EXOC4: variants seen among roughly 807,000 people sequenced by gnomAD.
EXOC4 encodes exocyst complex component 4, also known as SEC8-like 1.
Under a neutral mutation model 107.2 loss-of-function variants are expected in EXOC4, and 71 were observed. The observed-to-expected ratio is 0.66, with a 90% confidence interval of 0.55 to 0.81. The LOEUF is 0.81. EXOC4 is among the 30% of genes least tolerant of loss of function. EXOC4 has a pLI of 0.00. For missense variants in EXOC4, 1,108 were observed against 1,189.6 expected, an observed-to-expected ratio of 0.93 and a Z score of 1.01; for synonymous variants, 456 against 441.2, an observed-to-expected ratio of 1.03 and a Z score of -0.42.
rs963305486 is a variant in EXOC4, at chr7:133,479,972, A to G, written c.1329-78A>G. ...GGGAGCACCACACAGACCAGAGTAGAATAATGTGGAATACAGAGCTGGTCA... is the reference window on the plus strand; with the variant it reads ...GGGAGCACCACACAGACCAGAGTAGGATAATGTGGAATACAGAGCTGGTCA... On this transcript the variant is annotated intron_variant, in intron 8 of 17. Coordinates refer to ENST00000253861, the MANE Select transcript of EXOC4 (RefSeq NM_021807.4). 2.6e-6 allele frequency: 3 copies of G among 1,157,942 alleles called. No individual in the cohort carries two copies. The African/African-American group carries it at 4.5e-5, about 18-fold the overall frequency. 71.7% of individuals were successfully genotyped at this position (1,157,942 alleles called of 1,614,324 possible). A position where few individuals can be genotyped will look rare whatever the true frequency, so the allele number is the denominator to read the frequency against.
chr7:133,658,384 C>A (rs1453963013), intron 10 of EXOC4, among the ~76,000 whole-genome samples: 1 of 152,140 alleles, frequency 6.6e-6, no homozygotes, highest in Non-Finnish European at 1.5e-5. Context: ...AGGTTAAAAT[C>A]TACTTATCTA....
intron 3 of EXOC4, among the ~76,000 whole-genome samples, chr7:133,291,910 T>C (rs1377314027): frequency 6.6e-6 from 1 of 151,020 alleles, no homozygotes; most frequent in Non-Finnish European, 1.5e-5. Context: ...TTATCACATA[T>C]GCATGGATCT....
intron 10 of EXOC4, among the ~76,000 whole-genome samples, chr7:133,639,017 A>G (rs957574131): frequency 1.4e-4 from 22 of 152,190 alleles, no homozygotes; most frequent in African/African-American, 4.6e-4. Context: ...GGACTGCAGT[A>G]CCCAAAATGT....
intron 17 of EXOC4, among the ~76,000 whole-genome samples, chr7:134,051,496 C>A (rs1220724767): frequency 6.6e-6 from 1 of 151,892 alleles, no homozygotes; most frequent in Non-Finnish European, 1.5e-5. Context: ...GATGGTGAAA[C>A]CCTGTCTCTA....
chr7:134,045,220 T>A (rs548100060), intron 17 of EXOC4, among the ~76,000 whole-genome samples: 1 of 152,366 alleles, frequency 6.6e-6, no homozygotes, highest in African/African-American at 2.4e-5. Flanking sequence ...CGTAGAGTTG[T>A]TCCCAATTCT....
intron 7 of EXOC4, among the ~76,000 whole-genome samples, chr7:133,386,605 G>A (rs971853556): frequency 6.6e-6 from 1 of 152,186 alleles, no homozygotes; most frequent in Non-Finnish European, 1.5e-5. Flanking sequence ...ATAGAATGGA[G>A]GGATATTACT....
chr7:133,613,391 A>G (rs1802117960), intron 9 of EXOC4, among the ~76,000 whole-genome samples: 1 of 152,122 alleles, frequency 6.6e-6, no homozygotes, highest in African/African-American at 2.4e-5. Flanking sequence ...GTTTGCTTAA[A>G]CTGCTGTGTG....
chr7:133,773,261 A>G (rs1796280837), intron 10 of EXOC4, among the ~76,000 whole-genome samples: 1 of 151,994 alleles, frequency 6.6e-6, no homozygotes, highest in African/African-American at 2.4e-5. Context: ...AACCCAAGTT[A>G]TCATAACTGG....
At chr7:133,661,231 T>C (rs1295289167) in intron 10 of EXOC4, among the ~76,000 whole-genome samples, 3 of 152,080 alleles carry the variant, frequency 2.0e-5, no homozygotes, top group Admixed American at 6.6e-5. Flanking sequence ...AGCCACTGTA[T>C]ATGTGCCGAG....
At chr7:133,841,357 A>G (rs1360092768) in intron 11 of EXOC4, among the ~76,000 whole-genome samples, 1 of 152,190 alleles carries the variant, frequency 6.6e-6, no homozygotes, top group Non-Finnish European at 1.5e-5. Context: ...GAAGGGTGGT[A>G]AGCATTAGAA....
At chr7:133,628,595 T>G (rs901936158) in intron 9 of EXOC4, among the ~76,000 whole-genome samples, 3 of 152,104 alleles carry the variant, frequency 2.0e-5, no homozygotes, top group Non-Finnish European at 4.4e-5. Flanking sequence ...GGGGGTAGAG[T>G]GTTTTTCCCA....
At chr7:133,916,782 A>G (rs140571257) in intron 12 of EXOC4, among the ~76,000 whole-genome samples, 2 of 152,326 alleles carry the variant, frequency 1.3e-5, no homozygotes, top group East Asian at 3.9e-4. Flanking sequence ...CCTTTCATAA[A>G]TAAATGTCAT....
At chr7:133,979,918 A>G (rs1247946821) in intron 14 of EXOC4, among the ~76,000 whole-genome samples, 4 of 152,080 alleles carry the variant, frequency 2.6e-5, no homozygotes, top group Admixed American at 1.3e-4. Flanking sequence ...ATCTCCTCCC[A>G]CGCTGCTCCT....
chr7:134,089,567 G>T, the EXOC4 span, among the ~76,000 whole-genome samples: 2 of 152,158 alleles, frequency 1.3e-5, no homozygotes, highest in African/African-American at 4.8e-5. Flanking sequence ...CAGGCAAGTT[G>T]TACGGTTAAG....
At chr7:133,624,097 C>G (rs1199333424) in intron 9 of EXOC4, among the ~76,000 whole-genome samples, 2 of 152,012 alleles carry the variant, frequency 1.3e-5, no homozygotes, top group African/African-American at 4.8e-5. Flanking sequence ...AAAATATTTG[C>G]TATAAAAGAA....
intron 5 of EXOC4, among the ~76,000 whole-genome samples, chr7:133,318,972 C>A (rs957906751): frequency 8.5e-5 from 13 of 152,164 alleles, no homozygotes; most frequent in African/African-American, 2.9e-4. Context: ...TAACACTGCT[C>A]TGAGGGGTTG....
chr7:133,302,371 A>G (rs1321688850), intron 3 of EXOC4, among the ~76,000 whole-genome samples: 1 of 152,170 alleles, frequency 6.6e-6, no homozygotes, highest in Non-Finnish European at 1.5e-5. Flanking sequence ...TTAGATGGTA[A>G]TAGGTGTTCG....
chr7:133,321,170 G>C (rs890011888), intron 5 of EXOC4, among the ~76,000 whole-genome samples: 1 of 149,302 alleles, frequency 6.7e-6, no homozygotes, highest in African/African-American at 2.5e-5. Flanking sequence ...GATTGGAGGT[G>C]ATTCCTGAGA....
At chr7:133,583,618 A>G (rs1801329471) in intron 9 of EXOC4, among the ~76,000 whole-genome samples, 2 of 152,202 alleles carry the variant, frequency 1.3e-5, no homozygotes, top group Non-Finnish European at 2.9e-5. Flanking sequence ...TGAAAGAACC[A>G]GTTGTATTTA....
Sources: allele counts gnomAD v4.1 joint callset (sites outside exome capture counted in the v4.1 genomes callset), GRCh38; gene constraint gnomAD v4.1.1; transcripts MANE v1.5; gene names NCBI Gene and HGNC (gene_info 2026-07-23, HGNC 2026-07-21).